The following PAX5 variants were observed in gnomAD, a reference collection of about 807,000 sequenced individuals.
PAX5 encodes paired box protein Pax-5.
A neutral mutation model predicts 43.7 loss-of-function variants in PAX5; 9 were observed. That is an observed-to-expected ratio of 0.21 (90% CI 0.12 to 0.36). The LOEUF is 0.36. Among genes scored for constraint, PAX5 ranks in the 10% least tolerant of loss-of-function variants. The pLI, the probability that PAX5 is intolerant of heterozygous loss-of-function variation, is 1.00. For synonymous variants in PAX5, 228 were observed against 214.3 expected (o/e 1.06, Z -0.56); for missense variants, 383 against 532.7 (o/e 0.72, Z 2.77).
chr9:37,026,524 C>A (rs1383238526), intron 1 of PAX5: 1 of 1,326,174 alleles, frequency 7.5e-7, no homozygotes, highest in East Asian at 4.0e-5. Flanking sequence ...GAGCTCGCCG[C>A]CTACTTACTA....
intron 7 of PAX5, among the ~76,000 whole-genome samples, chr9:36,919,900 T>C (rs1209947417): frequency 9.3e-6 from 1 of 107,230 alleles, no homozygotes; most frequent in Non-Finnish European, 2.0e-5. Context: ...AAGGTAAAAA[T>C]ATCCACATTT....
intron 8 of PAX5, among the ~76,000 whole-genome samples, chr9:36,866,176 G>A (rs1824862687): frequency 6.6e-6 from 1 of 152,266 alleles, no homozygotes; most frequent in Non-Finnish European, 1.5e-5. Flanking sequence ...GGCGGGCCGG[G>A]CCTCACCAGG....
chr9:36,872,317 G>A (rs7850607), intron 8 of PAX5, among the ~76,000 whole-genome samples: 122,791 of 152,198 alleles, frequency 0.81, 51,019 homozygotes, highest in East Asian at 0.95. Flanking sequence ...CTTTCTGCTT[G>A]CTTAGAACAG....
At chr9:36,999,934 C>T (rs1837705890) in intron 5 of PAX5, among the ~76,000 whole-genome samples, 1 of 152,116 alleles carries the variant, frequency 6.6e-6, no homozygotes, top group African/African-American at 2.4e-5. Context: ...CCCCAGACTG[C>T]TCCGCCTCCA....
At chr9:36,987,001 T>C (rs7045082) in intron 5 of PAX5, among the ~76,000 whole-genome samples, 2,154 of 152,268 alleles carry the variant, frequency 0.014, 43 homozygotes, top group African/African-American at 0.047. Flanking sequence ...CACCTGGTGC[T>C]GACGCTGTGC....
In PAX5 at chr9:36,838,922, C is replaced by G. The variant is rs1453606796; in HGVS notation, c.*1638G>C. ...CCTGCCTGGCCTGCTGATCCCAAGT[C>G]CAGTCTCTCTCTGCCCTGGCTCTCT... On this transcript the variant is annotated 3_prime_UTR_variant, in exon 10 of 10. Transcript: ENST00000358127. The G allele has an allele frequency of 4.3e-6, 1 of 233,314 alleles. No individual in the cohort carries two copies. Among genetic ancestry groups the G allele is most frequent in the African/African-American group, 2.2e-5 (1 of 45,354 alleles). The allele number at this position is 233,314 out of a possible 1,614,324, so 14.5% of individuals were successfully genotyped here.
At chr9:36,925,763 G>A (rs991514404) in intron 6 of PAX5, among the ~76,000 whole-genome samples, 1 of 152,156 alleles carries the variant, frequency 6.6e-6, no homozygotes, top group African/African-American at 2.4e-5. Context: ...AAGGAAGAGT[G>A]CCTTTTCTGG....
intron 1 of PAX5, among the ~76,000 whole-genome samples, chr9:37,029,430 A>C (rs2381597): frequency 0.99 from 150,804 of 152,330 alleles, 74,672 homozygotes; most frequent in East Asian, 1. Context: ...CCCAGGCGGG[A>C]CTCTGGGGAC....
intron 9 of PAX5, 81 bp from the exon 10 acceptor site, chr9:36,840,717 C>G: frequency 2.3e-6 from 2 of 858,020 alleles, no homozygotes; most frequent in Non-Finnish European, 3.6e-6. Context: ...TCCTTTCCTC[C>G]CCTCACTCAG....
chr9:37,010,887 G>A (rs1370354941), intron 3 of PAX5, among the ~76,000 whole-genome samples: 2 of 152,096 alleles, frequency 1.3e-5, no homozygotes, highest in African/African-American at 2.4e-5. Context: ...GATAGAGGTC[G>A]ATGTGAGTGG....
At chr9:37,003,769 C>T (rs1391605516) in intron 4 of PAX5, among the ~76,000 whole-genome samples, 3 of 152,102 alleles carry the variant, frequency 2.0e-5, no homozygotes, top group South Asian at 4.1e-4. Context: ...CCCAGGAAGT[C>T]GAGGTTGTAG....
chr9:37,002,845 G>C, intron 4 of PAX5, 69 bp from the exon 5 acceptor site: 1 of 1,530,282 alleles, frequency 6.5e-7, no homozygotes, highest in Non-Finnish European at 8.8e-7. Context: ...GTCACCGCAC[G>C]TGAGGCTGGG....
At position 36,839,847 on chromosome 9, in the gene PAX5, A is replaced by T. The variant is rs1821900481; in HGVS notation, c.*713T>A. 4.3e-6 allele frequency: 1 copy of T among 233,662 alleles called. No homozygotes were observed. The highest frequency in any genetic ancestry group is 5.6e-5 in the Admixed American group (1 of 17,868). 14.5% of individuals were successfully genotyped at this position (233,662 alleles called of 1,614,324 possible). ...CTGATACTGCATCGGTCCCAGAGAA[A>T]TGGAGGCAGGAAACCAGGACATCTC... On this transcript the variant is annotated 3_prime_UTR_variant, in exon 10 of 10. Coordinates refer to ENST00000358127, the MANE Select transcript of PAX5 (RefSeq NM_016734.3).
At chr9:37,019,798 G>A (rs1839704213) in intron 2 of PAX5, among the ~76,000 whole-genome samples, 1 of 152,172 alleles carries the variant, frequency 6.6e-6, no homozygotes. Context: ...AAACAAACCT[G>A]TGGCTTTGTT....
intron 6 of PAX5, among the ~76,000 whole-genome samples, chr9:36,942,773 T>C (rs1249890003): frequency 6.6e-6 from 1 of 152,242 alleles, no homozygotes; most frequent in Non-Finnish European, 1.5e-5. Flanking sequence ...CAAGTGCTGA[T>C]GTTGGAAGCA....
intron 5 of PAX5, among the ~76,000 whole-genome samples, chr9:36,970,569 T>G (rs1052627659): frequency 1.3e-5 from 2 of 152,120 alleles, no homozygotes; most frequent in African/African-American, 2.4e-5. Context: ...CTTTCTAAAC[T>G]CTGCTCCCAA....
At chr9:36,887,292 C>T (rs1826985041) in intron 7 of PAX5, among the ~76,000 whole-genome samples, 1 of 152,054 alleles carries the variant, frequency 6.6e-6, no homozygotes, top group South Asian at 2.1e-4. Context: ...AACAAAGGCT[C>T]AAAAGATCCA....
chr9:36,997,343 G>A (rs1837478077), intron 5 of PAX5, among the ~76,000 whole-genome samples: 1 of 152,242 alleles, frequency 6.6e-6, no homozygotes, highest in African/African-American at 2.4e-5. Flanking sequence ...CTAAACTGGT[G>A]AAAGGGATTC....
intron 9 of PAX5, 24 bp downstream of exon 9, chr9:36,846,819 C>T (rs770863338): frequency 5.7e-6 from 9 of 1,591,736 alleles, no homozygotes; most frequent in African/African-American, 2.7e-5. Context: ...CCAAGGGCCC[C>T]GCAGGGCCTC....
Sources: gnomAD v4.1 joint callset for allele counts (sites outside exome capture counted in the v4.1 genomes callset) on GRCh38, gnomAD v4.1.1 for gene constraint, MANE v1.5 for transcripts, NCBI Gene and HGNC (gene_info 2026-07-23, HGNC 2026-07-21) for gene names.